The following ZNF75D variants were observed in gnomAD, a reference collection of about 807,000 sequenced individuals.
ZNF75D encodes zinc finger protein 75.
A neutral mutation model predicts 33.3 loss-of-function variants in ZNF75D; 33 were observed. The observed-to-expected ratio is 0.99, with a 90% confidence interval of 0.75 to 1.32. The LOEUF (loss-of-function observed/expected upper bound fraction) is 1.32, where lower values mean the gene tolerates loss of function less well. Among genes scored for constraint, ZNF75D ranks in the 40% most tolerant of loss-of-function variants. The pLI is 0.00. For missense variants in ZNF75D, 338 were observed against 367.5 expected, an observed-to-expected ratio of 0.92 and a Z score of 0.66; for synonymous variants, 113 against 130.6, an observed-to-expected ratio of 0.87 and a Z score of 0.92.
chrX:135,282,510 C>T (rs919761389), downstream of ZNF75D, among the ~76,000 whole-genome samples: 10 of 111,543 alleles, frequency 9.0e-5, no homozygotes, highest in East Asian at 2.6e-3. Flanking sequence ...TTCTGTCTTG[C>T]TGGTTCTCCA....
chrX:135,319,564 T>C (rs782121422), intron 1 of ZNF75D, among the ~76,000 whole-genome samples: 1 of 111,992 alleles, frequency 8.9e-6, no homozygotes, highest in South Asian at 3.7e-4. Context: ...CATCTTCCTA[T>C]GAGGAGTGGT....
chrX:135,290,737 G>T (rs2084026367), intron 6 of ZNF75D, among the ~76,000 whole-genome samples: 1 of 112,279 alleles, frequency 8.9e-6, no homozygotes, highest in African/African-American at 3.2e-5. Flanking sequence ...ATGCTTTTAT[G>T]TTTTTTAGAG....
At chrX:135,291,629 T>C (rs1179497293) in intron 4 of ZNF75D, 66 bp from the exon 5 acceptor site, 100 of 1,166,867 alleles carry the variant, frequency 8.6e-5, no homozygotes, top group Non-Finnish European at 1.1e-4. Flanking sequence ...AGCTGATTTC[T>C]AAAATAAAGA....
At chrX:135,273,243 C>T (rs983616082) in intron 1 of ZNF75D, among the ~76,000 whole-genome samples, 11 of 111,661 alleles carry the variant, frequency 9.9e-5, no homozygotes, top group Admixed American at 4.8e-4. Context: ...GAGGCAACTG[C>T]CGGGTTCTGG....
At chrX:135,339,302 C>G (rs1556443781) in intron 1 of ZNF75D, among the ~76,000 whole-genome samples, 1 of 112,111 alleles carries the variant, frequency 8.9e-6, no homozygotes, top group South Asian at 3.7e-4. Flanking sequence ...TCTTTCAAGT[C>G]CTGGTCCTTG....
intron 1 of ZNF75D, chrX:135,309,429 A>C: frequency 3.4e-6 from 1 of 295,720 alleles, no homozygotes; most frequent in East Asian, 4.8e-5. Context: ...CATCTTTTTC[A>C]GGCTTCCTTG....
intron 1 of ZNF75D, among the ~76,000 whole-genome samples, chrX:135,266,666 A>G (rs1389200099): frequency 1.8e-5 from 2 of 112,227 alleles, no homozygotes; most frequent in Admixed American, 9.5e-5. Flanking sequence ...TATAGACCCC[A>G]ATACAATTAT....
At chrX:135,318,042 G>A (rs1037013923) in intron 1 of ZNF75D, among the ~76,000 whole-genome samples, 1 of 106,276 alleles carries the variant, frequency 9.4e-6, no homozygotes, top group Non-Finnish European at 1.9e-5. Context: ...GCTCACTTGT[G>A]TCTAAGAGCC....
intron 1 of ZNF75D, among the ~76,000 whole-genome samples, chrX:135,271,886 C>T (rs2083884428): frequency 9.0e-6 from 1 of 111,668 alleles, no homozygotes; most frequent in South Asian, 3.8e-4. Context: ...ATGGTGATGG[C>T]ATGCCTACCT....
In ZNF75D at chrX:135,249,479, T is replaced by C. The variant is rs1230039004; in HGVS notation, n.1297-178A>G. Among the ~76,000 whole-genome samples, 16 of 107,915 alleles carry C rather than the reference T, an allele frequency of 1.5e-4. 3 individuals carry two copies. The highest frequency in any genetic ancestry group is 3.9e-4 in the Admixed American group (4 of 10,181). 93.7% of individuals were successfully genotyped at this position (107,915 alleles called of 115,157 possible). A position where few individuals can be genotyped will look rare whatever the true frequency, so the allele number is the denominator to read the frequency against. On this transcript the variant is annotated intron_variant and non_coding_transcript_variant, in intron 3 of 3. Transcript: ENST00000494295. ...TTTAAATTTCTTTGAGTTTCACATA[T>C]GCATGAGTATATTTCTAGAATCTCT...
intron 1 of ZNF75D, among the ~76,000 whole-genome samples, chrX:135,257,973 A>T (rs112104794): frequency 1.5e-4 from 16 of 108,309 alleles, no homozygotes; most frequent in African/African-American, 5.0e-4. Context: ...CCCCCCCACC[A>T]CCCAACAGGC....
chrX:135,314,570 C>A (rs2084397061), intron 1 of ZNF75D, among the ~76,000 whole-genome samples: 1 of 111,351 alleles, frequency 9.0e-6, no homozygotes, highest in South Asian at 3.8e-4. Context: ...TGCTTCTTTA[C>A]GTATTTGGTA....
At position 135,342,327 on chromosome X, in the gene ZNF75D, CCTG is replaced by C. The variant is rs1256171611; in HGVS notation, c.-953_-951del. On this transcript the variant is annotated 5_prime_UTR_variant, in exon 1 of 7. Transcript: ENST00000370766. ...CCATGGTGTATGATCTAGGAACCAA[CCTG>C]CTATCACTTATCATCATGACAGGGC... is the stretch of plus-strand genomic sequence containing the variant. 2 of 112,095 alleles carry C rather than the reference CCTG, an allele frequency of 1.8e-5. No individual in the cohort carries two copies. The highest frequency in any genetic ancestry group is 3.8e-5 in the Non-Finnish European group (2 of 53,230). 9.2% of individuals were successfully genotyped at this position (112,095 alleles called of 1,213,427 possible).
At chrX:135,318,690 C>A (rs2084456530) in intron 1 of ZNF75D, among the ~76,000 whole-genome samples, 1 of 110,854 alleles carries the variant, frequency 9.0e-6, no homozygotes. Flanking sequence ...AAAACATATT[C>A]CAGACAAAAG....
rs1291667897 is a variant in ZNF75D, at chrX:135,274,316, A to G, written n.828-18539T>C. On this transcript the variant is annotated intron_variant and non_coding_transcript_variant, in intron 1 of 3. Transcript: ENST00000494295. ...ACATGCTGGTTTTAAAATTATTGGT[A>G]AAATAAAAATGGAAATGCCTTCAGA... 1.6e-4 allele frequency among the ~76,000 whole-genome samples: 18 copies of G among 112,070 alleles called. 1 individual carries two copies. The highest frequency in any genetic ancestry group is 1.5e-3 in the Admixed American group (16 of 10,536).
Position 135,287,022 on chromosome X carries a change from T to G in ZNF75D, c.*115A>C, listed in dbSNP as rs1556419613. The G allele has an allele frequency of 2.3e-5, 14 of 602,060 alleles. No homozygotes were observed. Among genetic ancestry groups the G allele is most frequent in the Non-Finnish European group, 3.7e-5 (14 of 382,496 alleles). 49.6% of individuals were successfully genotyped at this position (602,060 alleles called of 1,213,427 possible). ...ACAGCTTAGATTCCTTTTTGTGAAG[T>G]GTAACATGTACCCTTCCCAAATGTT... On this transcript the variant is annotated 3_prime_UTR_variant, in exon 7 of 7. Coordinates refer to ENST00000370766, the MANE Select transcript of ZNF75D (RefSeq NM_007131.5).
chrX:135,307,515 C>T (rs782023186), intron 1 of ZNF75D, among the ~76,000 whole-genome samples: 2 of 111,623 alleles, frequency 1.8e-5, no homozygotes, highest in African/African-American at 6.5e-5. Context: ...TACCCACCTG[C>T]GTCACACTTT....
chrX:135,250,393 A>AT (rs2083776878), intron 3 of ZNF75D, among the ~76,000 whole-genome samples: 1 of 99,738 alleles, frequency 1.0e-5, no homozygotes, highest in Non-Finnish European at 2.0e-5. Flanking sequence ...TTAAAAAAAA[A>AT]ATTTTTTTAA....
At chrX:135,261,650 T>G (rs781974374) in intron 1 of ZNF75D, among the ~76,000 whole-genome samples, 1 of 111,837 alleles carries the variant, frequency 8.9e-6, no homozygotes, top group African/African-American at 3.3e-5. Context: ...ATTTGCTTGG[T>G]AGATCTTTCT....
Sources: gnomAD v4.1 joint callset for allele counts (sites outside exome capture counted in the v4.1 genomes callset) on GRCh38, gnomAD v4.1.1 for gene constraint, MANE v1.5 for transcripts, NCBI Gene and HGNC (gene_info 2026-07-23, HGNC 2026-07-21) for gene names.